Variants in EYS observed in about 807,000 individuals in gnomAD.
The protein encoded by EYS is EGF-like photoreceptor maintenance factor.
In EYS, 250 loss-of-function variants were observed where a neutral mutation model predicts 282.1. The observed-to-expected ratio is 0.89, with a 90% confidence interval of 0.80 to 0.98. The LOEUF is 0.98. Ranked by LOEUF, EYS falls within the 50% of genes least tolerant of loss-of-function variation. The probability of loss-of-function intolerance (pLI) is 0.00; values close to 1 mark genes in which losing one functional copy is unlikely to be tolerated. For synonymous variants in EYS, 1,355 were observed against 1,282.9 expected (o/e 1.06, Z -1.20); for missense variants, 4,016 against 3,709.0 (o/e 1.08, Z -2.15).
chr6:65,137,621 TGTGA>T (rs1776057957), intron 12 of EYS, among the ~76,000 whole-genome samples: 1 of 151,982 alleles, frequency 6.6e-6, no homozygotes, highest in Non-Finnish European at 1.5e-5. Context: ...AATTAGCTCA[TGTGA>T]GTGATAATGG....
At position 64,723,797 on chromosome 6, in the gene EYS, T is replaced by G. The variant is rs537167721; in HGVS notation, c.3443+89581A>C. 1.5e-4 allele frequency among the ~76,000 whole-genome samples: 23 copies of G among 152,316 alleles called. No individual in the cohort carries two copies. In the South Asian group the frequency reaches 4.8e-3, roughly 32 times the overall value. Reference sequence around the variant, plus strand: ...ATTTGTAGGTGATCGTTTGTGGATCTTCCATGGGTTTTGTCACAGCCTCAC... The same window carrying G: ...ATTTGTAGGTGATCGTTTGTGGATCGTCCATGGGTTTTGTCACAGCCTCAC... On this transcript the variant is annotated intron_variant, in intron 22 of 42. Transcript: ENST00000503581.
chr6:64,686,781 A>ATGTGTG (rs1295392302), intron 22 of EYS, among the ~76,000 whole-genome samples: 32 of 16,294 alleles, frequency 2.0e-3, no homozygotes, highest in Non-Finnish European at 2.7e-3. Context: ...ATATATATAT[A>ATGTGTG]TATATATGTG....
At chr6:64,125,154 G>GCGCGCGCGCGCGCGCTC (rs1773724746) in intron 31 of EYS, among the ~76,000 whole-genome samples, 3 of 145,264 alleles carry the variant, frequency 2.1e-5, no homozygotes, top group African/African-American at 7.8e-5. Flanking sequence ...CACACTCTCT[G>GCGCGCGCGCGCGCGCTC]TCTCTCTCTC....
chr6:65,556,342 T>G (rs1768797409), intron 2 of EYS, among the ~76,000 whole-genome samples: 1 of 151,866 alleles, frequency 6.6e-6, no homozygotes, highest in Admixed American at 6.6e-5. Context: ...TCATAAAATT[T>G]CCCTTACAGC....
intron 15 of EYS, among the ~76,000 whole-genome samples, chr6:64,942,827 C>CAAAAA (rs34826658): frequency 1.1e-5 from 1 of 94,296 alleles, no homozygotes; most frequent in African/African-American, 3.4e-5. Flanking sequence ...GTAACTCTTC[C>CAAAAA]AAAAAAAAAA....
chr6:65,694,979 C>T (rs943948127), intron 1 of EYS, among the ~76,000 whole-genome samples: 4 of 151,710 alleles, frequency 2.6e-5, no homozygotes, highest in African/African-American at 7.3e-5. Flanking sequence ...TAAAAATTTT[C>T]AAAATGAAGG....
At chr6:64,330,897 C>A (rs763631895) in intron 29 of EYS, among the ~76,000 whole-genome samples, 1 of 152,144 alleles carries the variant, frequency 6.6e-6, no homozygotes, top group East Asian at 1.9e-4. Flanking sequence ...TGGAAAGCCC[C>A]CATTGTGTGG....
At chr6:65,703,719 T>A (rs1368663462) in intron 1 of EYS, among the ~76,000 whole-genome samples, 1 of 152,132 alleles carries the variant, frequency 6.6e-6, no homozygotes, top group Non-Finnish European at 1.5e-5. Context: ...AGAAATCTGA[T>A]ATTTTGAACT....
chr6:63,842,756 T>C (rs889053539), intron 36 of EYS, among the ~76,000 whole-genome samples: 4 of 152,220 alleles, frequency 2.6e-5, no homozygotes, highest in Non-Finnish European at 4.4e-5. Context: ...TGCTTAAATA[T>C]TTAATTCATC....
intron 30 of EYS, among the ~76,000 whole-genome samples, chr6:64,277,986 A>G (rs1265788446): frequency 6.6e-6 from 1 of 152,182 alleles, no homozygotes; most frequent in Non-Finnish European, 1.5e-5. Context: ...TTGAAATTTG[A>G]CTTGAAAATA....
intron 19 of EYS, among the ~76,000 whole-genome samples, chr6:64,837,499 G>T (rs1023392642): frequency 1.3e-5 from 2 of 150,608 alleles, no homozygotes; most frequent in African/African-American, 2.4e-5. Context: ...GTAAGAGAAA[G>T]AAATAAAAAA....
At chr6:63,823,451 A>G (rs1562043568) in intron 36 of EYS, among the ~76,000 whole-genome samples, 2 of 152,188 alleles carry the variant, frequency 1.3e-5, no homozygotes, top group South Asian at 2.1e-4. Flanking sequence ...TTATGAGTCA[A>G]TTTGAATAAT....
chr6:65,141,349 G>A (rs1764335151), intron 12 of EYS, among the ~76,000 whole-genome samples: 1 of 151,974 alleles, frequency 6.6e-6, no homozygotes, highest in Non-Finnish European at 1.5e-5. Flanking sequence ...TTGTGGGGTG[G>A]CGGGAGCGGG....
chr6:63,761,484 G>A lies in EYS; in HGVS notation c.8071+977C>T, dbSNP rs1769640475. ...ACTTTTGGACAGTTAAACCTAAGTA[G>A]AATATCAAGGAATATAGGAATAAAA... is the stretch of plus-strand genomic sequence containing the variant. On this transcript the variant is annotated intron_variant, in intron 41 of 42. Coordinates refer to ENST00000503581, the MANE Select transcript of EYS (RefSeq NM_001142800.2). Among the ~76,000 whole-genome samples, 6 of 151,950 alleles carry A rather than the reference G, an allele frequency of 3.9e-5. 1 individual carries two copies. Among genetic ancestry groups the A allele is most frequent in the Admixed American group, 3.3e-4 (5 of 15,240 alleles).
intron 26 of EYS, among the ~76,000 whole-genome samples, chr6:64,534,550 C>G (rs1407787280): frequency 1.3e-5 from 2 of 152,000 alleles, no homozygotes; most frequent in Admixed American, 1.3e-4. Flanking sequence ...TTCCCTTTTG[C>G]TTTCATTCTG....
intron 5 of EYS, among the ~76,000 whole-genome samples, chr6:65,435,891 C>T (rs2150388029): frequency 6.6e-6 from 1 of 152,200 alleles, no homozygotes; most frequent in African/African-American, 2.4e-5. Flanking sequence ...TGTGAGGACA[C>T]AAGATGGCCA....
chr6:63,889,797 A>T (rs1233949604), intron 35 of EYS, among the ~76,000 whole-genome samples: 3 of 152,218 alleles, frequency 2.0e-5, no homozygotes, highest in African/African-American at 7.2e-5. Context: ...AAAATGGGCT[A>T]AATGCCCCAA....
Position 64,081,937 on chromosome 6 carries a change from C to T in EYS, c.6490G>A (p.Val2164Ile). Residue 2164 changes from valine to isoleucine, a missense_variant, in exon 32 of 43, where the codon GTC (valine) becomes ATC (isoleucine). Transcript: ENST00000503581. ...GTTCTGTTATGTTCCTTCTCCAGGA[C>T]AAACTTCAAAAAGGGCAGTTCTAAA... ...SYLELPFLKFVLEKEHNRTVT... is the reference protein window; with the variant it reads ...SYLELPFLKFILEKEHNRTVT... 1.3e-6 allele frequency: 2 copies of T among 1,545,112 alleles called. No individual in the cohort carries two copies. The highest frequency in any genetic ancestry group is 1.8e-6 in the Non-Finnish European group (2 of 1,141,862).
intron 5 of EYS, among the ~76,000 whole-genome samples, chr6:65,448,457 C>A (rs1047981701): frequency 1.3e-5 from 2 of 151,842 alleles, no homozygotes; most frequent in Non-Finnish European, 2.9e-5. Context: ...ATTGAGATTG[C>A]AGTTATGAAA....
Sources: allele counts gnomAD v4.1 joint callset (sites outside exome capture counted in the v4.1 genomes callset), GRCh38; gene constraint gnomAD v4.1.1; transcripts MANE v1.5; gene names NCBI Gene and HGNC (gene_info 2026-07-23, HGNC 2026-07-21).